The following VGLL4 variants were observed in gnomAD, a reference collection of about 807,000 sequenced individuals.
VGLL4 encodes transcription cofactor vestigial-like protein 4.
VGLL4 carries 7 observed loss-of-function variants against 21.0 expected under a neutral mutation model. The ratio of observed to expected loss-of-function variants is 0.33; its 90% CI spans 0.19 to 0.63. The LOEUF is 0.63. Ranked by LOEUF, VGLL4 falls within the 20% of genes least tolerant of loss-of-function variation. The pLI is 0.78. For synonymous variants in VGLL4, 222 were observed against 173.2 expected, an observed-to-expected ratio of 1.28 and a Z score of -2.21; for missense variants, 394 against 425.7, an observed-to-expected ratio of 0.93 and a Z score of 0.66.
At chr3:11,690,908 C>T (rs1039317389) in intron 2 of VGLL4, among the ~76,000 whole-genome samples, 13 of 151,652 alleles carry the variant, frequency 8.6e-5, no homozygotes, top group East Asian at 1.9e-4. Flanking sequence ...GCCAAGTCAA[C>T]GAGTATTTCA....
At chr3:11,624,051 T>C (rs1158612937) in intron 1 of VGLL4, among the ~76,000 whole-genome samples, 1 of 152,182 alleles carries the variant, frequency 6.6e-6, no homozygotes, top group Non-Finnish European at 1.5e-5. Context: ...CAAATTTTCC[T>C]TATTGTTTTT....
At chr3:11,628,342 C>A (rs1575469978) in intron 1 of VGLL4, among the ~76,000 whole-genome samples, 2 of 150,892 alleles carry the variant, frequency 1.3e-5, no homozygotes, top group African/African-American at 4.9e-5. Context: ...AAACCGAGAT[C>A]GTGCCATTGC....
At position 11,568,791 on chromosome 3, in the gene VGLL4, C is replaced by T. The variant is rs2073655363; in HGVS notation, c.273-3772G>A. ...GCCTCCGCTCCTGGTCAGGACTGTG[C>T]CCGAGAGAGCCCACGGCATCCCCGC... is the stretch of plus-strand genomic sequence containing the variant. On this transcript the variant is annotated intron_variant, in intron 2 of 4. Transcript: ENST00000430365. This position sits in a 1 kb window ranked among gnomAD's most constrained non-coding sequence, Gnocchi z 5.9. 6.9e-7 allele frequency: 1 copy of T among 1,448,266 alleles called. No individual in the cohort carries two copies. Among genetic ancestry groups the T allele is most frequent in the East Asian group, 2.5e-5 (1 of 39,266 alleles). 89.7% of individuals were successfully genotyped at this position (1,448,266 alleles called of 1,614,324 possible).
At chr3:11,661,260 G>A (rs925110143) in intron 2 of VGLL4, among the ~76,000 whole-genome samples, 3 of 151,954 alleles carry the variant, frequency 2.0e-5, no homozygotes, top group South Asian at 2.1e-4. Flanking sequence ...CAGAAAGAAC[G>A]ATCCACATTG....
At chr3:11,716,086 G>A (rs1232773283) in intron 1 of VGLL4, among the ~76,000 whole-genome samples, 3 of 151,892 alleles carry the variant, frequency 2.0e-5, no homozygotes, top group East Asian at 2.0e-4. Context: ...GGCAGATCAC[G>A]AGGTCAGGAG....
At chr3:11,589,255 T>TG (rs1270253692) in intron 2 of VGLL4, among the ~76,000 whole-genome samples, 1 of 152,060 alleles carries the variant, frequency 6.6e-6, no homozygotes. Flanking sequence ...AAAGAACAGG[T>TG]GATCTCTCTA....
rs79455560 is a variant in VGLL4, at chr3:11,665,955, G to A, written c.64+37016C>T. 9.7e-3 allele frequency among the ~76,000 whole-genome samples: 1,476 copies of A among 152,332 alleles called. 14 individuals are homozygous for A. Among genetic ancestry groups the A allele is most frequent in the Non-Finnish European group, 0.016 (1,090 of 68,022 alleles). On this transcript the variant is annotated intron_variant, in intron 2 of 5. Coordinates refer to the VGLL4 transcript ENST00000273038. Reference sequence around the variant, plus strand: ...GGGAGGACACAATCCCCGAGGATTAGAAAGTTCATTCTGGGCCGGGCGCGG... The same window carrying A: ...GGGAGGACACAATCCCCGAGGATTAAAAAGTTCATTCTGGGCCGGGCGCGG...
Position 11,557,734 on chromosome 3 carries a change from T to TA in VGLL4, c.*821dup, listed in dbSNP as rs2072575308. 1 of 152,768 alleles carries TA rather than the reference T, an allele frequency of 6.5e-6. No individual in the cohort carries two copies. The highest frequency in any genetic ancestry group is 2.4e-5 in the African/African-American group (1 of 41,452). The allele number at this position is 152,768 out of a possible 1,614,324, so 9.5% of individuals were successfully genotyped here. On this transcript the variant is annotated 3_prime_UTR_variant, in exon 5 of 5. Coordinates refer to ENST00000430365, the MANE Select transcript of VGLL4 (RefSeq NM_001128219.3). ...TAGAAACCAGCTATTTTTTCTCCAT[T>TA]AAAACATGCATCACGTTTAAAGCAC... is the stretch of plus-strand genomic sequence containing the variant.
intron 2 of VGLL4, among the ~76,000 whole-genome samples, chr3:11,580,538 A>G (rs1224928662): frequency 6.6e-6 from 1 of 152,240 alleles, no homozygotes. Flanking sequence ...ATCATATGAT[A>G]ATTCTGTTTA....
Position 11,558,401 on chromosome 3 carries a change from A to C in VGLL4, c.*155T>G. The C allele has an allele frequency of 7.8e-7, 1 of 1,279,148 alleles. No individual in the cohort carries two copies. The highest frequency in any genetic ancestry group is 1.0e-6 in the Non-Finnish European group (1 of 955,762). The allele number at this position is 1,279,148 out of a possible 1,614,324, so 79.2% of individuals were successfully genotyped here. A position where few individuals can be genotyped will look rare whatever the true frequency, so the allele number is the denominator to read the frequency against. ...GTACGGATACCAAGCAAGTACAAAA[A>C]CAGAACACAAATCCCAACAACATGG... On this transcript the variant is annotated 3_prime_UTR_variant, in exon 5 of 5. Transcript: ENST00000430365.
At chr3:11,664,375 G>T (rs1183831277) in intron 2 of VGLL4, among the ~76,000 whole-genome samples, 1 of 152,188 alleles carries the variant, frequency 6.6e-6, no homozygotes, top group African/African-American at 2.4e-5. Flanking sequence ...ACTCTATGGG[G>T]AGTCCAAAGA....
intron 2 of VGLL4, chr3:11,582,272 T>A: frequency 6.2e-7 from 1 of 1,605,774 alleles, no homozygotes; most frequent in Non-Finnish European, 8.5e-7. Flanking sequence ...AATGAAAGGG[T>A]TCTTGGTACT....
In VGLL4 at chr3:11,558,236, A is replaced by C; in HGVS notation, c.*320T>G. The C allele has an allele frequency of 3.7e-5, 15 of 400,812 alleles. No individual in the cohort carries two copies. Among genetic ancestry groups the C allele is most frequent in the Middle Eastern group, 7.0e-4 (1 of 1,438 alleles). The allele number at this position is 400,812 out of a possible 1,614,324, so 24.8% of individuals were successfully genotyped here. ...AATTCATCATGGCTTGTGACTGAGA[A>C]AGCGCTGTGGAGTCCTGGCCCCGTC... On this transcript the variant is annotated 3_prime_UTR_variant, in exon 5 of 5. Coordinates refer to ENST00000430365, the MANE Select transcript of VGLL4 (RefSeq NM_001128219.3).
chr3:11,628,396 A>C (rs77774498), intron 1 of VGLL4, among the ~76,000 whole-genome samples: 1 of 140,508 alleles, frequency 7.1e-6, no homozygotes, highest in East Asian at 2.0e-4. Flanking sequence ...CTCAAAAAAC[A>C]AAAAAAAAAA....
intron 2 of VGLL4, among the ~76,000 whole-genome samples, chr3:11,649,854 A>G (rs1420628240): frequency 3.9e-5 from 6 of 152,204 alleles, no homozygotes; most frequent in Non-Finnish European, 1.5e-5. Context: ...GCTAAGCCTC[A>G]GTCCTTAGAG....
chr3:11,595,200 G>T (rs989816457), intron 2 of VGLL4, among the ~76,000 whole-genome samples: 1 of 152,074 alleles, frequency 6.6e-6, no homozygotes, highest in Non-Finnish European at 1.5e-5. Flanking sequence ...AAAACACCAA[G>T]GCTGAAGTGA....
chr3:11,632,988 A>G (rs183729029), intron 1 of VGLL4: 7 of 152,352 alleles, frequency 4.6e-5, no homozygotes, highest in African/African-American at 1.7e-4. Context: ...CCAACTTCAA[A>G]TGTTTTCCTA....
intron 3 of VGLL4, among the ~76,000 whole-genome samples, chr3:11,564,266 TC>T (rs1255907844): frequency 6.6e-6 from 1 of 152,110 alleles, no homozygotes; most frequent in Non-Finnish European, 1.5e-5. Flanking sequence ...TAGAAAAAAA[TC>T]CCTATGTACC....
chr3:11,597,899 G>A (rs913579233), intron 2 of VGLL4, among the ~76,000 whole-genome samples: 1 of 152,082 alleles, frequency 6.6e-6, no homozygotes, highest in African/African-American at 2.4e-5. Context: ...AATACACCAG[G>A]TCCTAAGAGG....
Sources: allele counts gnomAD v4.1 joint callset (sites outside exome capture counted in the v4.1 genomes callset), GRCh38; gene constraint gnomAD v4.1.1; non-coding constraint Gnocchi (gnomAD v3.1); transcripts MANE v1.5; gene names NCBI Gene and HGNC (gene_info 2026-07-23, HGNC 2026-07-21).